The following ZBTB41 variants were observed in gnomAD, a reference collection of about 807,000 sequenced individuals.
The protein encoded by ZBTB41 is zinc finger and BTB domain-containing protein 41.
A neutral mutation model predicts 87.6 loss-of-function variants in ZBTB41; 42 were observed. The ratio of observed to expected loss-of-function variants is 0.48; its 90% CI spans 0.37 to 0.62. The LOEUF is 0.62. ZBTB41 is among the 20% of genes least tolerant of loss of function. The pLI, the probability that ZBTB41 is intolerant of heterozygous loss-of-function variation, is 0.00. For synonymous variants in ZBTB41, 364 were observed against 364.0 expected (o/e 1.00, Z 0.00); for missense variants, 799 against 1,078.9 (o/e 0.74, Z 3.63).
rs1226281044 is a variant in ZBTB41 at position 197,154,870 on chromosome 1, C to A, written c.*4489G>T. ...TTTTAGAAATGCTACTTGTAGAATA[C>A]ATTTCTAGGCATTTTAAATTTGGCA... On this transcript the variant is annotated 3_prime_UTR_variant, in exon 11 of 11. Transcript: ENST00000367405. The A allele has an allele frequency of 6.6e-6, 1 of 152,470 alleles. No homozygotes were observed. The highest frequency in any genetic ancestry group is 1.5e-5 in the Non-Finnish European group (1 of 67,912). The allele number at this position is 152,470 out of a possible 1,614,324, so 9.4% of individuals were successfully genotyped here.
intron 3 of ZBTB41, among the ~76,000 whole-genome samples, chr1:197,191,329 C>T (rs1027067425): frequency 5.3e-5 from 8 of 151,470 alleles, no homozygotes; most frequent in South Asian, 2.1e-4. Context: ...GCATGGTGCA[C>T]GCCTGTAGTT....
Position 197,200,516 on chromosome 1 carries a change from T to C in ZBTB41, c.-43A>G. 2.0e-6 allele frequency: 3 copies of C among 1,511,954 alleles called. No homozygotes were observed. Among genetic ancestry groups the C allele is most frequent in the South Asian group, 1.4e-5 (1 of 73,364 alleles). The allele number at this position is 1,511,954 out of a possible 1,614,324, so 93.7% of individuals were successfully genotyped here. On this transcript the variant is annotated 5_prime_UTR_variant, in exon 2 of 11. Transcript: ENST00000367405. ...AGAACAAGAAACTTCATAAGTGTCT[T>C]AAGTGATTTATAAAGGAAAACTAGA...
At chr1:197,197,811 T>C (rs1660206908) in intron 2 of ZBTB41, among the ~76,000 whole-genome samples, 2 of 152,204 alleles carry the variant, frequency 1.3e-5, no homozygotes, top group Non-Finnish European at 2.9e-5. Context: ...TAAAACCGAT[T>C]GTGAATTACG....
chr1:197,185,846 G>A (rs759153851), intron 5 of ZBTB41, among the ~76,000 whole-genome samples: 68 of 152,014 alleles, frequency 4.5e-4, no homozygotes, highest in Non-Finnish European at 8.4e-4. Context: ...AAAGAAAAAC[G>A]AAATAAATGA....
rs1000940431 is a variant in ZBTB41 at position 197,156,457 on chromosome 1, A to T, written c.*2902T>A. The stretch of plus-strand genomic sequence containing the variant: ...AAACAATAAATTATGCTCACAAAAT[A>T]AAAAAATTCTGAATGAGGCTAAACT... On this transcript the variant is annotated 3_prime_UTR_variant, in exon 11 of 11. Transcript: ENST00000367405. 6.6e-6 allele frequency: 1 copy of T among 152,252 alleles called. No individual in the cohort carries two copies. The highest frequency in any genetic ancestry group is 2.4e-5 in the African/African-American group (1 of 41,434). 9.4% of individuals were successfully genotyped at this position (152,252 alleles called of 1,614,324 possible).
intron 10 of ZBTB41, among the ~76,000 whole-genome samples, chr1:197,166,083 C>T (rs1659337660): frequency 6.6e-6 from 1 of 152,086 alleles, no homozygotes; most frequent in Admixed American, 6.5e-5. Context: ...GTACAAATAC[C>T]TGATGTAGGT....
At chr1:197,198,355 T>C (rs1343780788) in intron 2 of ZBTB41, among the ~76,000 whole-genome samples, 1 of 152,194 alleles carries the variant, frequency 6.6e-6, no homozygotes, top group Non-Finnish European at 1.5e-5. Flanking sequence ...AACATCTTTT[T>C]ACAGCAAATG....
rs551806639 is a variant in ZBTB41, at chr1:197,189,177, T to C, written c.1399-738A>G. On this transcript the variant is annotated intron_variant, in intron 4 of 10. Transcript: ENST00000367405. ...GTGAGAAATTTGCTGTATATATAAA[T>C]TGAATCTTGGATTAAAGAAGGCAAA... Among the ~76,000 whole-genome samples the C allele has an allele frequency of 4.6e-5, 7 of 152,270 alleles. No homozygotes were observed. In the South Asian group the frequency reaches 1.5e-3, roughly 32 times the overall value.
intron 2 of ZBTB41, among the ~76,000 whole-genome samples, chr1:197,197,504 T>C (rs16841214): frequency 0.087 from 11,463 of 132,408 alleles, 1,501 homozygotes; most frequent in African/African-American, 0.29. Context: ...CCCACAATTA[T>C]CTGGGCTGAA....
rs567725436 is a variant in ZBTB41 at position 197,191,918 on chromosome 1, T to A, written c.1121-19A>T. ...TATTTTCCTATAAAAAAAGAAAAAT[T>A]AAAATTAAATTTAGTACATTTGCTA... On this transcript the variant is annotated intron_variant, in intron 2 of 10. Coordinates refer to ENST00000367405, the MANE Select transcript of ZBTB41 (RefSeq NM_194314.3). 7.4e-5 allele frequency: 114 copies of A among 1,536,546 alleles called. 1 individual carries two copies. The highest frequency in any genetic ancestry group is 6.3e-4 in the Middle Eastern group (3 of 4,754).
intron 9 of ZBTB41, among the ~76,000 whole-genome samples, chr1:197,174,236 A>C (rs1349801172): frequency 6.6e-6 from 1 of 152,138 alleles, no homozygotes; most frequent in Non-Finnish European, 1.5e-5. Flanking sequence ...CAGTAAAAAA[A>C]GAACTTAAAA....
chr1:197,189,632 T>G (rs1659975977), intron 4 of ZBTB41, among the ~76,000 whole-genome samples: 1 of 152,210 alleles, frequency 6.6e-6, no homozygotes, highest in South Asian at 2.1e-4. Context: ...AAATGGAATC[T>G]AATTCCCTTC....
intron 5 of ZBTB41, among the ~76,000 whole-genome samples, chr1:197,184,794 C>CTATTTATTTATTTATTTATTTATT (rs71286567): frequency 3.4e-5 from 5 of 147,560 alleles, no homozygotes; most frequent in South Asian, 2.2e-4. Flanking sequence ...AAGTTTACAA[C>CTATTTATTTATTTATTTATTTATT]TATTTATTTA....
In ZBTB41 at chr1:197,199,449, C is replaced by G. The variant is rs144516004; in HGVS notation, c.1025G>C (p.Gly342Ala). The G allele has an allele frequency of 1.4e-5, 23 of 1,612,634 alleles. No homozygotes were observed. Among genetic ancestry groups the G allele is most frequent in the Non-Finnish European group, 1.8e-5 (21 of 1,179,592 alleles). The change falls in exon 2 of 11, where the codon GGA (glycine) becomes GCA (alanine). Residue 342 changes from glycine (G) to alanine (A), a missense_variant. By Grantham distance (60) the Gly-to-Ala change is moderately conservative. Transcript: ENST00000367405. Reference sequence around the variant, plus strand: ...TGGAGTTAACCCCTCATGAACATTTCCTACAGAATCACCAGCCTCAGGTTC... The same window carrying G: ...TGGAGTTAACCCCTCATGAACATTTGCTACAGAATCACCAGCCTCAGGTTC... ...EEEPEAGDSV[G>A]NVHEGLTPVV...
intron 5 of ZBTB41, among the ~76,000 whole-genome samples, chr1:197,183,776 C>T (rs916988027): frequency 1.3e-5 from 2 of 152,120 alleles, no homozygotes; most frequent in African/African-American, 4.8e-5. Flanking sequence ...GGGAGCTAAG[C>T]CTTACTGCCT....
Position 197,159,038 on chromosome 1 carries a change from A to C in ZBTB41, c.*321T>G. 3.8e-6 allele frequency: 1 copy of C among 261,862 alleles called. No homozygotes were observed. Among genetic ancestry groups the C allele is most frequent in the South Asian group, 5.2e-5 (1 of 19,364 alleles). 16.2% of individuals were successfully genotyped at this position (261,862 alleles called of 1,614,324 possible). ...AGAGGAATGAGACTAAAGAAGAATA[A>C]AAATTTCCACTGATGATTAAAAAAA... On this transcript the variant is annotated 3_prime_UTR_variant, in exon 11 of 11. Coordinates refer to ENST00000367405, the MANE Select transcript of ZBTB41 (RefSeq NM_194314.3).
chr1:197,167,080 A>C (rs1274654226), intron 10 of ZBTB41, among the ~76,000 whole-genome samples: 1 of 152,228 alleles, frequency 6.6e-6, no homozygotes, highest in East Asian at 1.9e-4. Flanking sequence ...GATATAGGCA[A>C]TATGTCTCGT....
intron 10 of ZBTB41, among the ~76,000 whole-genome samples, chr1:197,163,768 A>G (rs758133282): frequency 1.3e-5 from 2 of 152,038 alleles, no homozygotes; most frequent in Admixed American, 6.6e-5. Flanking sequence ...ATGAGCAACA[A>G]TAAGACTGAT....
At chr1:197,199,169 A>G (rs1046355228) in intron 2 of ZBTB41, among the ~76,000 whole-genome samples, 185 bp downstream of exon 2, 1 of 152,170 alleles carries the variant, frequency 6.6e-6, no homozygotes, top group Non-Finnish European at 1.5e-5. Context: ...ATAAATACTT[A>G]AATTAATTCC....
Sources: gnomAD v4.1 joint callset for allele counts (sites outside exome capture counted in the v4.1 genomes callset) on GRCh38, gnomAD v4.1.1 for gene constraint, MANE v1.5 for transcripts, NCBI Gene and HGNC (gene_info 2026-07-23, HGNC 2026-07-21) for gene names.